Variants in HECW1 observed in about 807,000 individuals in gnomAD.
The protein encoded by HECW1 is HECT, C2 and WW domain containing E3 ubiquitin protein ligase 1.
HECW1 carries 61 observed loss-of-function variants against 182.3 expected under a neutral mutation model. The observed-to-expected ratio is 0.33, with a 90% CI of 0.27 to 0.41. HECW1 has a LOEUF of 0.41. Among genes scored for constraint, HECW1 ranks in the 10% least tolerant of loss-of-function variants. HECW1 has a pLI of 1.00. For missense variants in HECW1, 1,739 were observed against 2,108.9 expected (o/e 0.82, Z 3.44); for synonymous variants, 859 against 832.6 (o/e 1.03, Z -0.55).
chr7:43,265,976 G>T (rs1422603469), intron 3 of HECW1, among the ~76,000 whole-genome samples: 1 of 152,074 alleles, frequency 6.6e-6, no homozygotes, highest in African/African-American at 2.4e-5. Context: ...CTGGAGGGTG[G>T]GGTGCACCAC....
chr7:43,482,835 G>A (rs1308662492), intron 17 of HECW1, among the ~76,000 whole-genome samples: 1 of 152,136 alleles, frequency 6.6e-6, no homozygotes, highest in Admixed American at 6.5e-5. Context: ...AGCCTGGGAG[G>A]TAGAGGCTGA....
intron 26 of HECW1, among the ~76,000 whole-genome samples, chr7:43,544,207 TA>T (rs2081472052): frequency 6.6e-6 from 1 of 152,220 alleles, no homozygotes; most frequent in Admixed American, 6.5e-5. Context: ...CATGACAAAC[TA>T]TACTATAAAC....
At chr7:43,326,155 C>T (rs917850196) in intron 5 of HECW1, among the ~76,000 whole-genome samples, 1 of 152,184 alleles carries the variant, frequency 6.6e-6, no homozygotes, top group Non-Finnish European at 1.5e-5. Flanking sequence ...GCTGGGGTGC[C>T]CCTTCAACCT....
At chr7:43,152,233 C>G (rs1362503187) in intron 2 of HECW1, among the ~76,000 whole-genome samples, 1 of 152,158 alleles carries the variant, frequency 6.6e-6, no homozygotes, top group Non-Finnish European at 1.5e-5. Context: ...CTATACCACT[C>G]ATTAAAACCC....
chr7:43,525,740 G>A (rs950598975), intron 24 of HECW1, among the ~76,000 whole-genome samples: 8 of 152,172 alleles, frequency 5.3e-5, no homozygotes, highest in East Asian at 1.9e-4. Flanking sequence ...CATTGTGAAC[G>A]ATAAATGGGA....
chr7:43,565,484 A>C lies in HECW1; in HGVS notation c.*3558A>C, dbSNP rs981048557. On this transcript the variant is annotated 3_prime_UTR_variant, in exon 30 of 30. Coordinates refer to ENST00000395891, the MANE Select transcript of HECW1 (RefSeq NM_015052.5). ...TGGGTTCGGAAATTTCTCAGTTGCCACAAATATTTTCCCAGTCAAGATGAA... is the reference window on the plus strand; with the variant it reads ...TGGGTTCGGAAATTTCTCAGTTGCCCCAAATATTTTCCCAGTCAAGATGAA... 5.3e-6 allele frequency: 1 copy of C among 188,236 alleles called. No individual in the cohort carries two copies. Among genetic ancestry groups the C allele is most frequent in the Non-Finnish European group, 1.1e-5 (1 of 89,492 alleles). 11.7% of individuals were successfully genotyped at this position (188,236 alleles called of 1,614,324 possible).
At chr7:43,546,932 G>T (rs1391584118) in intron 26 of HECW1, among the ~76,000 whole-genome samples, 1 of 152,044 alleles carries the variant, frequency 6.6e-6, no homozygotes, top group East Asian at 1.9e-4. Flanking sequence ...TTTTTTTCCA[G>T]AACGGGGCAC....
At chr7:43,437,484 T>C (rs1284508219) in intron 8 of HECW1, among the ~76,000 whole-genome samples, 3 of 152,254 alleles carry the variant, frequency 2.0e-5, no homozygotes, top group Non-Finnish European at 4.4e-5. Context: ...GCAGTTTAAA[T>C]GCCAGTAAAT....
At chr7:43,302,584 G>A (rs1406176297) in intron 3 of HECW1, among the ~76,000 whole-genome samples, 4 of 152,156 alleles carry the variant, frequency 2.6e-5, no homozygotes, top group Non-Finnish European at 4.4e-5. Context: ...GTCATCATGG[G>A]GGCTCCTCAC....
At chr7:43,171,931 A>G (rs886304669) in intron 2 of HECW1, among the ~76,000 whole-genome samples, 1 of 152,150 alleles carries the variant, frequency 6.6e-6, no homozygotes, top group Non-Finnish European at 1.5e-5. Context: ...CTTCAAGCAG[A>G]TAAAAGATTT....
At chr7:43,202,617 G>A (rs1795110164) in intron 2 of HECW1, among the ~76,000 whole-genome samples, 1 of 151,936 alleles carries the variant, frequency 6.6e-6, no homozygotes, top group Admixed American at 6.6e-5. Flanking sequence ...GGGGTTACAG[G>A]CACCTGCCAC....
At chr7:43,472,502 C>T (rs1238337196) in intron 16 of HECW1, among the ~76,000 whole-genome samples, 1 of 152,048 alleles carries the variant, frequency 6.6e-6, no homozygotes, top group Non-Finnish European at 1.5e-5. Context: ...TTCAATAAAT[C>T]TCTGTTGCAC....
At chr7:43,232,021 C>CAAAAAA (rs34791514) in intron 2 of HECW1, among the ~76,000 whole-genome samples, 2 of 71,344 alleles carry the variant, frequency 2.8e-5, no homozygotes, top group Non-Finnish European at 5.5e-5. Context: ...GACTCCATCT[C>CAAAAAA]AAAAAAAAAA....
intron 2 of HECW1, among the ~76,000 whole-genome samples, chr7:43,202,060 C>T (rs1371703985): frequency 6.6e-6 from 1 of 152,178 alleles, no homozygotes; most frequent in Non-Finnish European, 1.5e-5. Flanking sequence ...ACTCATGATG[C>T]TCCAGATACT....
At chr7:43,433,185 T>C (rs2076606146) in intron 8 of HECW1, among the ~76,000 whole-genome samples, 1 of 152,278 alleles carries the variant, frequency 6.6e-6, no homozygotes, top group Non-Finnish European at 1.5e-5. Context: ...AAATAAGCTA[T>C]TAAACTCAGG....
rs2076571916 is a variant in HECW1 at position 43,432,176 on chromosome 7, G to T, written c.802-5827G>T. ...TTTTTTTGAGACGGAGTCTCGCTCTGTCGCCCGGGCTGGAGTGCAGTGGCG... is the reference window on the plus strand; with the variant it reads ...TTTTTTTGAGACGGAGTCTCGCTCTTTCGCCCGGGCTGGAGTGCAGTGGCG... On this transcript the variant is annotated intron_variant, in intron 8 of 29. Transcript: ENST00000395891. The surrounding 1 kb of genome is among the most constrained non-coding windows in gnomAD (Gnocchi z 4.1). Among the ~76,000 whole-genome samples the T allele has an allele frequency of 2.1e-5, 3 of 142,742 alleles. No individual in the cohort carries two copies. The East Asian group carries it at 6.3e-4, about 30-fold the overall frequency. The allele number at this position is 142,742 out of a possible 152,430, so 93.6% of individuals were successfully genotyped here.
intron 12 of HECW1, among the ~76,000 whole-genome samples, chr7:43,454,673 A>C (rs903050708): frequency 6.6e-6 from 1 of 152,228 alleles, no homozygotes; most frequent in Admixed American, 6.5e-5. Context: ...GGTCAAGCAT[A>C]AGCCATCATG....
chr7:43,326,762 C>T (rs1562840319), intron 5 of HECW1, among the ~76,000 whole-genome samples: 2 of 152,274 alleles, frequency 1.3e-5, no homozygotes, highest in African/African-American at 4.8e-5. Context: ...GGGAAACCCT[C>T]TGCTCTGCAG....
chr7:43,135,932 T>C (rs139245099), intron 2 of HECW1, among the ~76,000 whole-genome samples: 154 of 152,262 alleles, frequency 1.0e-3, no homozygotes, highest in Non-Finnish European at 1.7e-3. Context: ...AGGCCTTTTA[T>C]GCTTTTATGA....
Sources: gnomAD v4.1 joint callset for allele counts (sites outside exome capture counted in the v4.1 genomes callset) on GRCh38, gnomAD v4.1.1 for gene constraint, Gnocchi (gnomAD v3.1) non-coding constraint, MANE v1.5 for transcripts, NCBI Gene and HGNC (gene_info 2026-07-23, HGNC 2026-07-21) for gene names.